Variants in ATXN7L1 observed in about 807,000 individuals in gnomAD.
ATXN7L1 encodes ataxin-7-like protein 1.
In ATXN7L1, 15 loss-of-function variants were observed where a neutral mutation model predicts 70.8. The observed-to-expected ratio is 0.21, with a 90% CI of 0.14 to 0.33. ATXN7L1 has a LOEUF of 0.33. ATXN7L1 is among the 10% of genes least tolerant of loss of function. The pLI, the probability that ATXN7L1 is intolerant of heterozygous loss-of-function variation, is 1.00. For missense variants in ATXN7L1, 975 were observed against 1,097.1 expected (o/e 0.89, Z 1.57); for synonymous variants, 440 against 445.1 (o/e 0.99, Z 0.14).
At chr7:105,832,983 C>T (rs1006353892) in intron 2 of ATXN7L1, among the ~76,000 whole-genome samples, 5 of 152,206 alleles carry the variant, frequency 3.3e-5, no homozygotes, top group African/African-American at 9.7e-5. Context: ...AGAGCAGATT[C>T]TCCACAGAGC....
At chr7:105,695,530 C>T (rs993125214) in intron 3 of ATXN7L1, among the ~76,000 whole-genome samples, 1 of 152,168 alleles carries the variant, frequency 6.6e-6, no homozygotes, top group Non-Finnish European at 1.5e-5. Context: ...TAAATGCCAA[C>T]CCCTGGTTCC....
intron 7 of ATXN7L1, among the ~76,000 whole-genome samples, chr7:105,634,744 A>G (rs1797115656): frequency 6.6e-6 from 1 of 152,136 alleles, no homozygotes; most frequent in Non-Finnish European, 1.5e-5. Flanking sequence ...AGACTGAGAA[A>G]CAGATGTAGA....
intron 2 of ATXN7L1, among the ~76,000 whole-genome samples, chr7:105,871,146 A>C (rs1818210837): frequency 6.7e-6 from 1 of 150,232 alleles, no homozygotes; most frequent in Non-Finnish European, 1.5e-5. Context: ...CTGCATCTCA[A>C]AGGAAGGTAC....
At chr7:105,787,736 G>A (rs1804523967) in intron 3 of ATXN7L1, among the ~76,000 whole-genome samples, 1 of 152,034 alleles carries the variant, frequency 6.6e-6, no homozygotes, top group Non-Finnish European at 1.5e-5. Flanking sequence ...CTTTTTTTAG[G>A]CACAATAGAA....
At chr7:105,770,308 A>G (rs1358300891) in intron 3 of ATXN7L1, among the ~76,000 whole-genome samples, 1 of 152,254 alleles carries the variant, frequency 6.6e-6, no homozygotes, top group Non-Finnish European at 1.5e-5. Context: ...GCTGTAAATT[A>G]CAGTATACAG....
intron 6 of ATXN7L1, 148 bp from the exon 7 acceptor site, chr7:105,638,757 T>A: frequency 9.3e-7 from 1 of 1,077,944 alleles, no homozygotes; most frequent in Non-Finnish European, 1.3e-6. Context: ...GTTCTGTGGC[T>A]AGGAAGAGGC....
Position 105,733,621 on chromosome 7 carries a change from TCCATCCATCCAC to T in ATXN7L1, c.355+54971_355+54982del, listed in dbSNP as rs1563048990. ...ATCCATCCACCCATCCATCCATCCA[TCCATCCATCCAC>T]CCATCCATCCATCCATCCATCCATC... On this transcript the variant is annotated intron_variant, in intron 3 of 11. Transcript: ENST00000419735. 3.8e-4 allele frequency among the ~76,000 whole-genome samples: 38 copies of T among 99,410 alleles called. 8 individuals carry two copies. Among genetic ancestry groups the T allele is most frequent in the Admixed American group, 5.9e-4 (6 of 10,188 alleles). 65.2% of individuals were successfully genotyped at this position (99,410 alleles called of 152,430 possible).
At chr7:105,667,124 A>G (rs574377503) in intron 3 of ATXN7L1, among the ~76,000 whole-genome samples, 2 of 152,338 alleles carry the variant, frequency 1.3e-5, no homozygotes, top group African/African-American at 4.8e-5. Context: ...CCTTGGGGGA[A>G]TTCGTCCTTT....
chr7:105,863,490 A>G (rs1337530897), intron 2 of ATXN7L1, among the ~76,000 whole-genome samples: 1 of 152,202 alleles, frequency 6.6e-6, no homozygotes, highest in African/African-American at 2.4e-5. Flanking sequence ...CTTAAGGGGC[A>G]CTCACTCCGC....
chr7:105,624,544 G>A (rs1186002469), intron 7 of ATXN7L1, among the ~76,000 whole-genome samples: 1 of 151,888 alleles, frequency 6.6e-6, no homozygotes, highest in Non-Finnish European at 1.5e-5. Context: ...CAGCTACTCA[G>A]GAGGCTGAGG....
At chr7:105,748,844 A>C (rs1798872104) in intron 3 of ATXN7L1, among the ~76,000 whole-genome samples, 1 of 152,232 alleles carries the variant, frequency 6.6e-6, no homozygotes, top group Admixed American at 6.5e-5. Flanking sequence ...CTCATGAGGC[A>C]GCAGGGCACA....
intron 3 of ATXN7L1, among the ~76,000 whole-genome samples, chr7:105,690,568 TCTC>T (rs1181950765): frequency 1.3e-5 from 2 of 152,158 alleles, no homozygotes; most frequent in African/African-American, 4.8e-5. Context: ...TTTGTCGTCT[TCTC>T]CTTCTTTTGC....
At chr7:105,708,626 A>C (rs1274626695) in intron 3 of ATXN7L1, among the ~76,000 whole-genome samples, 1 of 152,240 alleles carries the variant, frequency 6.6e-6, no homozygotes, top group East Asian at 1.9e-4. Flanking sequence ...TTCACTGATG[A>C]GGTGTTAAGT....
intron 4 of ATXN7L1, among the ~76,000 whole-genome samples, chr7:105,659,343 T>C (rs1234568832): frequency 6.6e-6 from 1 of 152,116 alleles, no homozygotes; most frequent in African/African-American, 2.4e-5. Context: ...ATTCGACAAA[T>C]ATTTACTGAC....
At chr7:105,856,652 T>A (rs971529251) in intron 2 of ATXN7L1, among the ~76,000 whole-genome samples, 1 of 152,178 alleles carries the variant, frequency 6.6e-6, no homozygotes, top group Non-Finnish European at 1.5e-5. Flanking sequence ...ACAGCTTTTT[T>A]AAATCAGTAA....
chr7:105,784,471 T>G (rs926268109), intron 3 of ATXN7L1, among the ~76,000 whole-genome samples: 1 of 150,974 alleles, frequency 6.6e-6, no homozygotes, highest in Admixed American at 6.6e-5. Context: ...TTTTTCAATT[T>G]AAGTTAAATG....
intron 7 of ATXN7L1, among the ~76,000 whole-genome samples, chr7:105,637,248 C>A (rs1797520586): frequency 6.6e-6 from 1 of 152,170 alleles, no homozygotes; most frequent in African/African-American, 2.4e-5. Context: ...ACATGGAAGG[C>A]ATCAGGGTGA....
At chr7:105,658,523 CT>C (rs36163594) in intron 4 of ATXN7L1, among the ~76,000 whole-genome samples, 37,371 of 106,754 alleles carry the variant, frequency 0.35, 4,972 homozygotes, top group East Asian at 0.62. Flanking sequence ...TGGCACATAA[CT>C]TTTTTTTTTT....
At chr7:105,738,513 C>A (rs1467542938) in intron 3 of ATXN7L1, among the ~76,000 whole-genome samples, 1 of 152,244 alleles carries the variant, frequency 6.6e-6, no homozygotes, top group Non-Finnish European at 1.5e-5. Context: ...CTCACATATA[C>A]TTGTCAGCAC....
Sources: allele counts gnomAD v4.1 joint callset (sites outside exome capture counted in the v4.1 genomes callset), GRCh38; gene constraint gnomAD v4.1.1; transcripts MANE v1.5; gene names NCBI Gene and HGNC (gene_info 2026-07-23, HGNC 2026-07-21).